KRT39: variants seen among roughly 807,000 people sequenced by gnomAD.
The protein encoded by KRT39 is keratin, type I cytoskeletal 39.
A neutral mutation model predicts 54.8 loss-of-function variants in KRT39; 47 were observed. The ratio of observed to expected loss-of-function variants is 0.86; its 90% CI spans 0.68 to 1.09. The LOEUF (loss-of-function observed/expected upper bound fraction) is 1.09. Ranked by LOEUF, KRT39 falls within the 50% of genes least tolerant of loss-of-function variation. KRT39 has a pLI of 0.00. For synonymous variants in KRT39, 207 were observed against 227.9 expected (o/e 0.91, Z 0.83); for missense variants, 580 against 598.5 (o/e 0.97, Z 0.32).
At chr17:40,966,129 A>T (rs1194133458) in intron 1 of KRT39, among the ~76,000 whole-genome samples, 2 of 151,844 alleles carry the variant, frequency 1.3e-5, no homozygotes, top group Admixed American at 1.3e-4. Context: ...AGGATGGTCT[A>T]GAACTCCTGG....
intron 6 of KRT39, 38 bp from the exon 7 acceptor site, chr17:40,958,897 G>A (rs1465535447): frequency 6.5e-7 from 1 of 1,534,252 alleles, no homozygotes; most frequent in Non-Finnish European, 8.8e-7. Context: ...GTGATTGAGG[G>A]AAGGCGATGA....
Position 40,962,170 on chromosome 17 carries a change from G to T in KRT39, c.988C>A (p.His330Asn). 1 of 1,614,154 alleles carries T rather than the reference G, an allele frequency of 6.2e-7. No individual in the cohort carries two copies. Reference sequence around the variant, plus strand: ...GTCAGCTTGCTCAGTACCATTCGATGCTGGGCCTGCAGTTCAACCTCCAGA... The same window carrying T: ...GTCAGCTTGCTCAGTACCATTCGATTCTGGGCCTGCAGTTCAACCTCCAGA... ...NTLEVELQAQ[H>N]RMRDSQECIL... The change falls in exon 5 of 7, where the codon CAT becomes AAT. Residue 330 changes from histidine to asparagine, a missense_variant. Coordinates refer to ENST00000355612, the MANE Select transcript of KRT39 (RefSeq NM_213656.4).
chr17:40,963,181 C>T (rs143490994), intron 3 of KRT39, among the ~76,000 whole-genome samples: 463 of 152,276 alleles, frequency 3.0e-3, no homozygotes, highest in African/African-American at 0.011. Context: ...TGGTTTGGCT[C>T]TGTGTCCCCA....
In KRT39 at chr17:40,966,768, G is replaced by T; in HGVS notation, c.89C>A (p.Ser30Tyr). Residue 30 changes from serine to tyrosine, a missense_variant, in exon 1 of 7, where the codon TCT (serine) becomes TAT (tyrosine). Physicochemically the swap from Ser to Tyr is moderately radical, Grantham distance 144. Transcript: ENST00000355612. ...SRITNVSTIS[S>Y]NNGCHPGGLT... ...GCCACCAGGATGGCAGCCGTTGTTA[G>T]AAGAGATGGTACTAACATTTGTAAT... 1 of 1,614,226 alleles carries T rather than the reference G, an allele frequency of 6.2e-7. No homozygotes were observed. Among genetic ancestry groups the T allele is most frequent in the Non-Finnish European group, 8.5e-7 (1 of 1,180,030 alleles).
At position 40,963,728 on chromosome 17, in the gene KRT39, T is replaced by G. The variant is rs1247981921; in HGVS notation, c.607A>C (p.Lys203Gln). 6.2e-7 allele frequency: 1 copy of G among 1,609,662 alleles called. No individual in the cohort carries two copies. The highest frequency in any genetic ancestry group is 1.1e-5 in the South Asian group (1 of 90,760). The change falls in exon 3 of 7, where the codon AAG (lysine) becomes CAG (glutamine). Residue 203 changes from lysine to glutamine, a missense_variant. Lys to Gln is a moderately conservative substitution (Grantham distance 53). Coordinates refer to ENST00000355612, the MANE Select transcript of KRT39 (RefSeq NM_213656.4). Reference sequence around the variant, plus strand: ...AGGGTCAGCACATTCAGGATCTGCTTGAGGCCATTGGCATCTGACTCTACC... The same window carrying G: ...AGGGTCAGCACATTCAGGATCTGCTGGAGGCCATTGGCATCTGACTCTACC... ...QLVESDANGL[K>Q]QILNVLTLGK...
rs201053719 is a variant in KRT39 at position 40,960,335 on chromosome 17, C to A, written c.1163G>T (p.Arg388Leu). ...GTATGTGGTAATCTCACATTCCAGC[C>A]GGGACTTGACGTCCAGCAGGATCTC... is the stretch of plus-strand genomic sequence containing the variant. ...EYEILLDVKS[R>L]LECEITTYRS... is the part of the protein sequence containing the mutation. Residue 388 changes from arginine to leucine, a missense_variant, in exon 6 of 7, where the codon CGG becomes CTG. Coordinates refer to ENST00000355612, the MANE Select transcript of KRT39 (RefSeq NM_213656.4). 7.4e-6 allele frequency: 12 copies of A among 1,613,886 alleles called. No individual in the cohort carries two copies. Among genetic ancestry groups the A allele is most frequent in the Non-Finnish European group, 1.0e-5 (12 of 1,179,998 alleles).
At position 40,963,678 on chromosome 17, in the gene KRT39, T is replaced by C; in HGVS notation, c.657A>G (p.Gln219=). The change falls in exon 3 of 7, where the codon CAA becomes CAG. Residue 219 remains glutamine (Q), a synonymous_variant. Transcript: ENST00000355612. ...GGAGCTCCTCTTTCAGAGACTGGAC[T>C]TGTGCCTCTAGGTCGGCCTTGCCCA... ...LTLGKADLEA[Q]VQSLKEELLC... 1 of 1,611,896 alleles carries C rather than the reference T, an allele frequency of 6.2e-7. No homozygotes were observed.
Position 40,958,504 on chromosome 17 carries a change from A to G in KRT39, c.*97T>C, listed in dbSNP as rs1012546039. On this transcript the variant is annotated 3_prime_UTR_variant, in exon 7 of 7. Transcript: ENST00000355612. ...CCGCTGTAGTAGTAAGAAACTAAGT[A>G]CCTTAAGGGACTGGGGAGTTTTCTT... 1 of 1,373,764 alleles carries G rather than the reference A, an allele frequency of 7.3e-7. No individual in the cohort carries two copies. The highest frequency in any genetic ancestry group is 1.5e-5 in the African/African-American group (1 of 68,000). 85.1% of individuals were successfully genotyped at this position (1,373,764 alleles called of 1,614,324 possible). A position where few individuals can be genotyped will look rare whatever the true frequency, so the allele number is the denominator to read the frequency against.
At chr17:40,962,005 G>A (rs569527215) in intron 5 of KRT39, among the ~76,000 whole-genome samples, 157 bp downstream of exon 5, 1 of 152,294 alleles carries the variant, frequency 6.6e-6, no homozygotes, top group South Asian at 2.1e-4. Context: ...GCGTTTCGTA[G>A]ACTTATTTGG....
chr17:40,960,705 TTC>T, intron 5 of KRT39: 2 of 583,464 alleles, frequency 3.4e-6, no homozygotes, highest in South Asian at 4.4e-5. Flanking sequence ...TCTTCCCTCT[TTC>T]TCTCTTTCTC....
rs751886201 is a variant in KRT39, at chr17:40,966,452, C to A, written c.405G>T (p.Glu135Asp). Residue 135 changes from glutamate (E) to aspartate (D), a missense_variant, in exon 1 of 7, where the codon GAG (glutamate) becomes GAT (aspartate). Physicochemically the swap from Glu to Asp is conservative, Grantham distance 45. Transcript: ENST00000355612. ...GGTAATCAGGACATAGAACAGGGAGCTCTTTGTTACTTTCTTCCTGGATTT... is the reference window on the plus strand; with the variant it reads ...GGTAATCAGGACATAGAACAGGGAGATCTTTGTTACTTTCTTCCTGGATTT... ...ESKIQEESNK[E>D]LPVLCPDYLS... 1 of 1,614,154 alleles carries A rather than the reference C, an allele frequency of 6.2e-7. No homozygotes were observed. Among genetic ancestry groups the A allele is most frequent in the South Asian group, 1.1e-5 (1 of 91,078 alleles).
chr17:40,965,158 C>T (rs1056748573), intron 1 of KRT39, among the ~76,000 whole-genome samples: 4 of 151,436 alleles, frequency 2.6e-5, no homozygotes, highest in African/African-American at 7.3e-5. Flanking sequence ...GAGCCGAGAT[C>T]GCGCCACTGC....
At chr17:40,961,544 T>C (rs921131572) in intron 5 of KRT39, among the ~76,000 whole-genome samples, 4 of 152,240 alleles carry the variant, frequency 2.6e-5, no homozygotes, top group Non-Finnish European at 5.9e-5. Context: ...AGAATGATAC[T>C]GGCTTTGGAA....
At chr17:40,963,983 C>T (rs1911261633) in intron 2 of KRT39, 200 bp from the exon 3 acceptor site, 1 of 457,336 alleles carries the variant, frequency 2.2e-6, no homozygotes, top group African/African-American at 2.0e-5. Context: ...CTAGGGGGAT[C>T]TACATTGCTG....
intron 5 of KRT39, among the ~76,000 whole-genome samples, chr17:40,961,266 G>T (rs1334710534): frequency 6.6e-6 from 1 of 152,090 alleles, no homozygotes; most frequent in African/African-American, 2.4e-5. Flanking sequence ...AAATATGAAA[G>T]TTGAAACTGA....
intron 6 of KRT39, 35 bp downstream of exon 6, chr17:40,960,246 T>C: frequency 6.3e-7 from 1 of 1,581,654 alleles, no homozygotes. Context: ...TCATTTACAC[T>C]TTTTTGTCAT....
chr17:40,961,079 G>C (rs1174992009), intron 5 of KRT39, among the ~76,000 whole-genome samples: 1 of 151,284 alleles, frequency 6.6e-6, no homozygotes, highest in Non-Finnish European at 1.5e-5. Flanking sequence ...GCAGTGACCC[G>C]AGATCGTGCC....
intron 3 of KRT39, among the ~76,000 whole-genome samples, 155 bp downstream of exon 3, chr17:40,963,472 G>A (rs1363482296): frequency 6.6e-6 from 1 of 152,296 alleles, no homozygotes; most frequent in East Asian, 1.9e-4. Context: ...TTACACTTCT[G>A]TCCTTTATAA....
intron 5 of KRT39, 139 bp downstream of exon 5, chr17:40,962,023 G>T (rs539486576): frequency 1.7e-6 from 2 of 1,203,190 alleles, no homozygotes; most frequent in Non-Finnish European, 2.3e-6. Flanking sequence ...TGGCCACAAA[G>T]CTCTTTTTCA....
Sources: gnomAD v4.1 joint callset for allele counts (sites outside exome capture counted in the v4.1 genomes callset) on GRCh38, gnomAD v4.1.1 for gene constraint, MANE v1.5 for transcripts, NCBI Gene and HGNC (gene_info 2026-07-23, HGNC 2026-07-21) for gene names.